ICE1: variants seen among roughly 807,000 people sequenced by gnomAD.
The protein encoded by ICE1 is interactor of little elongation complex ELL subunit 1.
A neutral mutation model predicts 192.7 loss-of-function variants in ICE1; 64 were observed. The observed-to-expected ratio is 0.33, with a 90% CI of 0.27 to 0.41. The LOEUF (loss-of-function observed/expected upper bound fraction) is 0.41. Among genes scored for constraint, ICE1 ranks in the 10% least tolerant of loss-of-function variants. ICE1 has a pLI of 1.00. For synonymous variants in ICE1, 1,010 were observed against 984.5 expected, an observed-to-expected ratio of 1.03 and a Z score of -0.49; for missense variants, 2,708 against 2,696.0, an observed-to-expected ratio of 1.00 and a Z score of -0.10.
chr5:5,473,838 T>G lies in ICE1; in HGVS notation c.6413+90T>G, dbSNP rs1196970016. 10 of 945,370 alleles carry G rather than the reference T, an allele frequency of 1.1e-5. No homozygotes were observed. In the East Asian group the frequency reaches 2.5e-4, roughly 24 times the overall value. 58.6% of individuals were successfully genotyped at this position (945,370 alleles called of 1,614,324 possible). On this transcript the variant is annotated intron_variant, in intron 16 of 18. Coordinates refer to ENST00000296564, the MANE Select transcript of ICE1 (RefSeq NM_015325.3). ...TTGTGGCTTGAATCATTTTTGTCGTTTAAGTGTGTAAGGCAGATGAAACAT... is the reference window on the plus strand; with the variant it reads ...TTGTGGCTTGAATCATTTTTGTCGTGTAAGTGTGTAAGGCAGATGAAACAT...
Position 5,486,836 on chromosome 5 carries a change from T to C in ICE1, c.6619+17T>C. The C allele has an allele frequency of 6.5e-7, 1 of 1,539,666 alleles. No homozygotes were observed. Among genetic ancestry groups the C allele is most frequent in the South Asian group, 1.2e-5 (1 of 84,632 alleles). On this transcript the variant is annotated intron_variant, in intron 18 of 18. Transcript: ENST00000296564. ...ACGATGAAGGTAAAACTTACATCTA[T>C]TAAAATTACTTTTAAGTAACTTGTG... is the stretch of plus-strand genomic sequence containing the variant.
chr5:5,466,676 C>T (rs1374471833), intron 14 of ICE1, among the ~76,000 whole-genome samples, 174 bp downstream of exon 14: 1 of 152,194 alleles, frequency 6.6e-6, no homozygotes, highest in Non-Finnish European at 1.5e-5. Flanking sequence ...GTAGGGCTTA[C>T]TTATATCAGC....
intron 11 of ICE1, among the ~76,000 whole-genome samples, chr5:5,455,209 T>C (rs1481780959): frequency 6.6e-6 from 1 of 152,232 alleles, no homozygotes; most frequent in African/African-American, 2.4e-5. Context: ...TCTAAATCTA[T>C]GGAAACCTCC....
intron 1 of ICE1, among the ~76,000 whole-genome samples, chr5:5,429,885 A>C (rs1461566899): frequency 6.6e-6 from 1 of 152,188 alleles, no homozygotes; most frequent in Non-Finnish European, 1.5e-5. Context: ...GGGAAACAAA[A>C]AGTCTTGAGT....
At chr5:5,439,227 C>G (rs991927190) in intron 3 of ICE1, among the ~76,000 whole-genome samples, 4 of 152,210 alleles carry the variant, frequency 2.6e-5, no homozygotes, top group South Asian at 4.1e-4. Context: ...AAATATAGTT[C>G]TTGTTCTTCA....
chr5:5,449,627 C>T lies in ICE1; in HGVS notation c.604+1730C>T, dbSNP rs148185540. Among the ~76,000 whole-genome samples, 1,375 of 152,236 alleles carry T rather than the reference C, an allele frequency of 9.0e-3. 25 individuals are homozygous for T. The highest frequency in any genetic ancestry group is 0.032 in the African/African-American group (1,311 of 41,544). On this transcript the variant is annotated intron_variant, in intron 10 of 18. Coordinates refer to ENST00000296564, the MANE Select transcript of ICE1 (RefSeq NM_015325.3). ...AAGTAAGTTTTCATTGCAGAAGCTG[C>T]GAGTTTCCCCAAATCAGAGATGGCA...
intron 15 of ICE1, among the ~76,000 whole-genome samples, chr5:5,470,789 T>A (rs1201568907): frequency 6.6e-6 from 1 of 152,198 alleles, no homozygotes; most frequent in Non-Finnish European, 1.5e-5. Flanking sequence ...ATATTTACAT[T>A]TACTTTGAAA....
chr5:5,475,088 TCATGGGAACCCATGAGG>T (rs1470709595), intron 16 of ICE1, among the ~76,000 whole-genome samples: 1 of 152,210 alleles, frequency 6.6e-6, no homozygotes, highest in Non-Finnish European at 1.5e-5. Flanking sequence ...TTCTGAATCC[TCATGGGAACCCATGAGG>T]CAGGGCCCTG....
At chr5:5,486,345 G>T (rs144287985) in intron 17 of ICE1, among the ~76,000 whole-genome samples, 177 of 152,346 alleles carry the variant, frequency 1.2e-3, no homozygotes, top group African/African-American at 4.0e-3. Context: ...TTGTGAAGTA[G>T]TTTGACTTAG....
At chr5:5,439,842 C>G in intron 3 of ICE1, 53 bp from the exon 4 acceptor site, 3 of 1,249,892 alleles carry the variant, frequency 2.4e-6, no homozygotes, top group East Asian at 2.6e-5. Flanking sequence ...AGTTTTATCT[C>G]CAGAGAAGTA....
chr5:5,448,422 C>T (rs1050159038), intron 10 of ICE1, among the ~76,000 whole-genome samples: 5 of 152,162 alleles, frequency 3.3e-5, no homozygotes, highest in South Asian at 2.1e-4. Context: ...CGTTACTGAG[C>T]GCCACGTCTC....
At chr5:5,424,007 T>A (rs117431573) in intron 1 of ICE1, among the ~76,000 whole-genome samples, 6 of 152,280 alleles carry the variant, frequency 3.9e-5, no homozygotes, top group East Asian at 1.9e-4. Flanking sequence ...TTCAGATATT[T>A]GAATAATGGG....
At chr5:5,432,998 G>A (rs1363617774) in intron 1 of ICE1, among the ~76,000 whole-genome samples, 3 of 152,138 alleles carry the variant, frequency 2.0e-5, no homozygotes, top group Admixed American at 1.3e-4. Flanking sequence ...GGACAGTCTG[G>A]TTGGGCCATT....
intron 17 of ICE1, among the ~76,000 whole-genome samples, chr5:5,477,695 G>A (rs1739358727): frequency 6.6e-6 from 1 of 152,106 alleles, no homozygotes; most frequent in South Asian, 2.1e-4. Flanking sequence ...AAAAATTTCA[G>A]GCCAACGTCT....
Position 5,444,324 on chromosome 5 carries a change from A to G in ICE1, c.422A>G (p.Gln141Arg), listed in dbSNP as rs1738141881. The G allele has an allele frequency of 3.2e-6, 5 of 1,565,998 alleles. No homozygotes were observed. The African/African-American group carries it at 6.8e-5, about 21-fold the overall frequency. Residue 141 changes from glutamine (Q) to arginine (R), a missense_variant and splice_region_variant, in exon 7 of 19, where the codon CAA (glutamine) becomes CGA (arginine). By Grantham distance (43) the Gln-to-Arg change is conservative (BLOSUM62 1). Around this residue, in one of 2 missense-constraint regions of ICE1, gnomAD observed 2,366 missense variants for 2,276.6 expected, o/e 1.04. Transcript: ENST00000296564. The part of the protein sequence containing the change: ...KKLEAKVKKL[Q>R]EAAVKQTQDF... ...CTAGAAGCTAAGGTGAAGAAGCTGC[A>G]AGGTAAGTGGCACTATTGTTACCTG...
chr5:5,438,168 C>T (rs1400704339), intron 3 of ICE1, among the ~76,000 whole-genome samples: 6 of 152,268 alleles, frequency 3.9e-5, no homozygotes, highest in Non-Finnish European at 5.9e-5. Context: ...AAGTGCAGAG[C>T]GAAGCGGGGA....
chr5:5,438,876 A>C (rs1737955890), intron 3 of ICE1, among the ~76,000 whole-genome samples: 2 of 152,344 alleles, frequency 1.3e-5, no homozygotes, highest in South Asian at 4.1e-4. Context: ...CCTTTAAAAA[A>C]ATATGTTTCA....
intron 1 of ICE1, among the ~76,000 whole-genome samples, chr5:5,428,252 C>T (rs945602775): frequency 3.3e-5 from 5 of 152,026 alleles, no homozygotes; most frequent in Non-Finnish European, 5.9e-5. Flanking sequence ...CCTTGTTGCC[C>T]TGTTCCAGTC....
chr5:5,431,673 T>G (rs1737715437), intron 1 of ICE1, among the ~76,000 whole-genome samples: 1 of 152,214 alleles, frequency 6.6e-6, no homozygotes, highest in African/African-American at 2.4e-5. Flanking sequence ...TTGATGCCTT[T>G]TATTTTGCTC....
Sources: gnomAD v4.1 joint callset for allele counts (sites outside exome capture counted in the v4.1 genomes callset) on GRCh38, gnomAD v4.1.1 for gene constraint, gnomAD v4.1.1 regional missense constraint, MANE v1.5 for transcripts, NCBI Gene and HGNC (gene_info 2026-07-23, HGNC 2026-07-21) for gene names.